SLC25A12: variants seen among roughly 807,000 people sequenced by gnomAD.
SLC25A12 encodes the protein electrogenic aspartate/glutamate antiporter SLC25A12, mitochondrial.
SLC25A12 carries 32 observed loss-of-function variants against 83.3 expected under a neutral mutation model. The observed-to-expected ratio is 0.38, with a 90% CI of 0.29 to 0.52. The LOEUF (loss-of-function observed/expected upper bound fraction) is 0.52. SLC25A12 is among the 20% of genes least tolerant of loss of function. The probability of loss-of-function intolerance (pLI) is 0.84; values close to 1 mark genes in which losing one functional copy is unlikely to be tolerated. For synonymous variants in SLC25A12, 267 were observed against 291.1 expected (o/e 0.92, Z 0.84); for missense variants, 611 against 835.6 (o/e 0.73, Z 3.31).
chr2:171,788,013 A>G, intron 15 of SLC25A12, 66 bp from the exon 16 acceptor site: 1 of 1,528,642 alleles, frequency 6.5e-7, no homozygotes, highest in Non-Finnish European at 9.0e-7. Context: ...TACTGCTAAC[A>G]TCTACTATAG....
At chr2:171,798,006 A>G (rs1413279758) in intron 13 of SLC25A12, among the ~76,000 whole-genome samples, 1 of 152,314 alleles carries the variant, frequency 6.6e-6, no homozygotes, top group African/African-American at 2.4e-5. Context: ...AGATACAAAC[A>G]TTAATACTAA....
chr2:171,831,813 C>T (rs533342248), intron 8 of SLC25A12, among the ~76,000 whole-genome samples: 5 of 151,848 alleles, frequency 3.3e-5, no homozygotes, highest in South Asian at 4.2e-4. Flanking sequence ...GCACAAGAAT[C>T]GCTTGAACCC....
In SLC25A12 at chr2:171,812,379, T is replaced by G. The variant is rs555076677; in HGVS notation, c.1171+960A>C. On this transcript the variant is annotated intron_variant, in intron 11 of 17. Transcript: ENST00000422440. Reference sequence around the variant, plus strand: ...TAGGAAGATTTCTAAGCCAAATAGTTCAACAGAGCTCAGAATAGGCTAGGG... The same window carrying G: ...TAGGAAGATTTCTAAGCCAAATAGTGCAACAGAGCTCAGAATAGGCTAGGG... Among the ~76,000 whole-genome samples, 8 of 152,220 alleles carry G rather than the reference T, an allele frequency of 5.3e-5. No homozygotes were observed. The South Asian group carries it at 1.7e-3, about 32-fold the overall frequency.
At chr2:171,789,780 A>G (rs944334359) in intron 15 of SLC25A12, among the ~76,000 whole-genome samples, 1 of 151,970 alleles carries the variant, frequency 6.6e-6, no homozygotes, top group African/African-American at 2.4e-5. Context: ...TGTAGTCCCA[A>G]CTACTTGGGA....
chr2:171,819,945 C>T (rs756127984), intron 9 of SLC25A12, among the ~76,000 whole-genome samples: 3 of 152,144 alleles, frequency 2.0e-5, no homozygotes, highest in East Asian at 1.9e-4. Flanking sequence ...TGGAGGCCAC[C>T]ATCCTTAGCA....
chr2:171,853,362 GA>G (rs1684973474), intron 4 of SLC25A12, among the ~76,000 whole-genome samples: 1 of 152,164 alleles, frequency 6.6e-6, no homozygotes, highest in South Asian at 2.1e-4. Context: ...TAGTTTGAAA[GA>G]AAAACAGAAG....
At chr2:171,868,922 A>G in intron 2 of SLC25A12, 99 bp from the exon 3 acceptor site, 1 of 1,013,178 alleles carries the variant, frequency 9.9e-7, no homozygotes, top group Non-Finnish European at 1.5e-6. Context: ...GCCAGTATTA[A>G]AATCAAAATA....
intron 11 of SLC25A12, among the ~76,000 whole-genome samples, chr2:171,812,942 A>G (rs1243196094): frequency 6.6e-6 from 1 of 152,054 alleles, no homozygotes; most frequent in African/African-American, 2.4e-5. Flanking sequence ...GGTAACCTGG[A>G]TTCTTTTTCA....
intron 2 of SLC25A12, among the ~76,000 whole-genome samples, chr2:171,877,737 T>C (rs1003026891): frequency 6.7e-6 from 1 of 150,316 alleles, no homozygotes; most frequent in Non-Finnish European, 1.5e-5. Flanking sequence ...TTACAAAGAC[T>C]GACACACAAC....
chr2:171,813,336 C>T lies in SLC25A12; in HGVS notation c.1171+3G>A. 6.2e-7 allele frequency: 1 copy of T among 1,613,896 alleles called. No homozygotes were observed. The highest frequency in any genetic ancestry group is 8.5e-7 in the Non-Finnish European group (1 of 1,179,876). ...CTTCAGCAGCTGGGATTTGCTTACT[C>T]ACCCCTGTAGAGTCCAAAGAAGCCC... On this transcript the variant is annotated splice_donor_region_variant and intron_variant, in intron 11 of 17. Coordinates refer to ENST00000422440, the MANE Select transcript of SLC25A12 (RefSeq NM_003705.5).
intron 2 of SLC25A12, among the ~76,000 whole-genome samples, chr2:171,883,956 G>A (rs534507291): frequency 5.9e-5 from 9 of 152,050 alleles, no homozygotes; most frequent in Non-Finnish European, 1.0e-4. Flanking sequence ...AGACTCCTGG[G>A]CTCACATGAT....
intron 8 of SLC25A12, among the ~76,000 whole-genome samples, chr2:171,832,730 A>T (rs1270344036): frequency 6.6e-6 from 1 of 152,206 alleles, no homozygotes; most frequent in African/African-American, 2.4e-5. Context: ...GATCTTCCAG[A>T]CAGCTTGGAA....
In SLC25A12 at chr2:171,844,381, C is replaced by T. The variant is rs534382093; in HGVS notation, c.453G>A (p.Thr151=). The stretch of plus-strand genomic sequence containing the variant: ...AAACTAAGCTCACCTGGAGAAACTG[C>T]GTGAATTCTGTGTAGTTAAGATGCT... The part of the protein sequence containing the change: ...RKKHLNYTEF[T]QFLQELQLEH... Residue 151 remains threonine, a synonymous_variant, in exon 5 of 18, where the codon ACG becomes ACA. Coordinates refer to ENST00000422440, the MANE Select transcript of SLC25A12 (RefSeq NM_003705.5). 1.0e-4 allele frequency: 165 copies of T among 1,613,882 alleles called. 1 individual carries two copies. In the South Asian group the frequency reaches 1.7e-3, roughly 17 times the overall value.
chr2:171,880,893 TAA>T (rs925221800), intron 2 of SLC25A12, among the ~76,000 whole-genome samples: 2 of 152,208 alleles, frequency 1.3e-5, no homozygotes, highest in African/African-American at 4.8e-5. Flanking sequence ...CGAATTGTAT[TAA>T]AATATATAAA....
chr2:171,783,880 G>A lies in SLC25A12; in HGVS notation c.*1394C>T, dbSNP rs1690439183. Among the ~76,000 whole-genome samples, 2 of 152,266 alleles carry A rather than the reference G, an allele frequency of 1.3e-5. No homozygotes were observed. The highest frequency in any genetic ancestry group is 1.9e-4 in the East Asian group (1 of 5,186). ...GTCACAGGGCTGTCAGCCATCAATC[G>A]AGGAGCACTGTGCAGGATACTAAGT... is the stretch of plus-strand genomic sequence containing the variant. On this transcript the variant is annotated 3_prime_UTR_variant, in exon 18 of 18. Transcript: ENST00000422440.
intron 15 of SLC25A12, among the ~76,000 whole-genome samples, chr2:171,790,074 C>T (rs1309545126): frequency 6.6e-6 from 1 of 152,064 alleles, no homozygotes; most frequent in Non-Finnish European, 1.5e-5. Context: ...TCCCTGGGGC[C>T]GTTTCTTAAT....
chr2:171,889,547 A>C (rs548782190), intron 2 of SLC25A12, among the ~76,000 whole-genome samples: 11 of 152,308 alleles, frequency 7.2e-5, no homozygotes, highest in Non-Finnish European at 1.5e-4. Context: ...CACCACTTCA[A>C]TTTGCCTACT....
At chr2:171,786,869 A>G (rs1690498614) in intron 17 of SLC25A12, among the ~76,000 whole-genome samples, 1 of 152,258 alleles carries the variant, frequency 6.6e-6, no homozygotes, top group Admixed American at 6.5e-5. Context: ...GAATAATGAA[A>G]TATCAGAGAT....
intron 2 of SLC25A12, chr2:171,871,852 G>A: frequency 1.8e-6 from 1 of 545,568 alleles, no homozygotes; most frequent in Non-Finnish European, 2.3e-6. Context: ...CTGGGAGGCG[G>A]AGGTTGCAAT....
Sources: allele counts gnomAD v4.1 joint callset (sites outside exome capture counted in the v4.1 genomes callset), GRCh38; gene constraint gnomAD v4.1.1; transcripts MANE v1.5; gene names NCBI Gene and HGNC (gene_info 2026-07-23, HGNC 2026-07-21).